ZEB2: variants seen among roughly 807,000 people sequenced by gnomAD.
ZEB2 encodes the protein zinc finger E-box-binding homeobox 2.
A neutral mutation model predicts 99.9 loss-of-function variants in ZEB2; 6 were observed. The ratio of observed to expected loss-of-function variants is 0.06; its 90% CI spans 0.03 to 0.12. The LOEUF is 0.12. Among genes scored for constraint, ZEB2 ranks in the 10% least tolerant of loss-of-function variants. The pLI, the probability that ZEB2 is intolerant of heterozygous loss-of-function variation, is 1.00. For synonymous variants in ZEB2, 517 were observed against 542.5 expected (o/e 0.95, Z 0.65); for missense variants, 969 against 1,502.8 (o/e 0.64, Z 5.87).
intron 2 of ZEB2, among the ~76,000 whole-genome samples, chr2:144,471,200 A>G (rs533534609): frequency 2.0e-5 from 3 of 152,322 alleles, no homozygotes; most frequent in African/African-American, 7.2e-5. Flanking sequence ...ATCAGCATGC[A>G]AAGAGTTAAC....
chr2:144,423,577 G>T (rs1047093362), intron 4 of ZEB2, among the ~76,000 whole-genome samples: 1 of 152,160 alleles, frequency 6.6e-6, no homozygotes, highest in Non-Finnish European at 1.5e-5. Flanking sequence ...TTACAATCTA[G>T]TCATTGTCAG....
At chr2:144,497,166 A>G (rs1380842390) in intron 2 of ZEB2, among the ~76,000 whole-genome samples, 1 of 151,856 alleles carries the variant, frequency 6.6e-6, no homozygotes, top group Non-Finnish European at 1.5e-5. Flanking sequence ...AGTCTCCTCA[A>G]AAGTCACCTC....
intron 2 of ZEB2, chr2:144,513,097 G>C: frequency 2.3e-6 from 3 of 1,286,680 alleles, no homozygotes; most frequent in Non-Finnish European, 3.0e-6. Flanking sequence ...AGGGAGGAGA[G>C]CTAGGAGGCA....
intron 4 of ZEB2, among the ~76,000 whole-genome samples, chr2:144,417,162 C>G (rs755875615): frequency 2.0e-5 from 3 of 152,050 alleles, no homozygotes; most frequent in Non-Finnish European, 4.4e-5. Flanking sequence ...CAATAAGTGA[C>G]CATTGAGTTG....
At chr2:144,501,074 TG>T (rs919173954) in intron 2 of ZEB2, among the ~76,000 whole-genome samples, 2 of 52,996 alleles carry the variant, frequency 3.8e-5, no homozygotes, top group Non-Finnish European at 7.4e-5. Context: ...AGAAATTGGA[TG>T]GGGGGGTAGC....
chr2:144,496,840 T>A (rs954916109), intron 2 of ZEB2: 2 of 152,216 alleles, frequency 1.3e-5, no homozygotes, highest in African/African-American at 4.8e-5. Flanking sequence ...ATATCTTTCG[T>A]ACAGTTGCCA....
intron 8 of ZEB2, 28 bp from the exon 9 acceptor site, chr2:144,396,620 A>G (rs1428000191): frequency 6.2e-7 from 1 of 1,608,322 alleles, no homozygotes; most frequent in Non-Finnish European, 8.5e-7. Flanking sequence ...AGTTCAATAC[A>G]GTGGCTTCTC....
chr2:144,424,184 A>C (rs1469194059), intron 4 of ZEB2, among the ~76,000 whole-genome samples: 1 of 152,164 alleles, frequency 6.6e-6, no homozygotes, highest in Non-Finnish European at 1.5e-5. Flanking sequence ...ACAAAACACC[A>C]CTCAGTATCT....
intron 2 of ZEB2, among the ~76,000 whole-genome samples, chr2:144,452,744 G>A (rs1454308987): frequency 6.6e-6 from 1 of 151,964 alleles, no homozygotes. Flanking sequence ...TCGCCATCTC[G>A]GTATTTAATC....
At chr2:144,440,175 C>G (rs898569514) in intron 2 of ZEB2, among the ~76,000 whole-genome samples, 1 of 152,128 alleles carries the variant, frequency 6.6e-6, no homozygotes, top group Non-Finnish European at 1.5e-5. Context: ...ATGAAATGCA[C>G]AAAGGTTCAG....
intron 2 of ZEB2, chr2:144,430,772 C>T (rs964283682): frequency 1.3e-5 from 2 of 153,846 alleles, no homozygotes; most frequent in African/African-American, 4.8e-5. Context: ...TTTTGCAGCC[C>T]TCAGTCCCAG....
At chr2:144,424,558 A>G (rs1703664798) in intron 4 of ZEB2, 2 of 636,898 alleles carry the variant, frequency 3.1e-6, no homozygotes, top group Non-Finnish European at 5.7e-6. Flanking sequence ...CCATTCATAG[A>G]GTTCAGTATT....
At chr2:144,510,904 T>G (rs939305664) in intron 2 of ZEB2, among the ~76,000 whole-genome samples, 1 of 152,188 alleles carries the variant, frequency 6.6e-6, no homozygotes, top group Non-Finnish European at 1.5e-5. Context: ...AGCATTGATG[T>G]GAGCGAAAGT....
At chr2:144,429,014 G>T (rs1461489389) in intron 3 of ZEB2, 1 of 152,168 alleles carries the variant, frequency 6.6e-6, no homozygotes, top group African/African-American at 2.4e-5. Flanking sequence ...AAGATTTCTT[G>T]TATTTTGTTA....
intron 8 of ZEB2, 87 bp from the exon 9 acceptor site, chr2:144,396,679 T>C (rs1703234142): frequency 2.1e-6 from 3 of 1,433,916 alleles, no homozygotes; most frequent in African/African-American, 2.8e-5. Context: ...TTGGAGAACC[T>C]CAAAATTGCT....
chr2:144,465,239 A>C (rs1292739405), intron 2 of ZEB2, among the ~76,000 whole-genome samples: 3 of 152,212 alleles, frequency 2.0e-5, no homozygotes, highest in Admixed American at 2.0e-4. Flanking sequence ...GTTCCTCAGT[A>C]AACTATGAGC....
chr2:144,517,171 GCGC>G (rs1018470315), intron 2 of ZEB2, 104 bp downstream of exon 2: 157 of 1,471,354 alleles, frequency 1.1e-4, no homozygotes, highest in Non-Finnish European at 1.2e-4. Context: ...AGAGCCCTGG[GCGC>G]CGCCGCCGCC....
intron 2 of ZEB2, among the ~76,000 whole-genome samples, chr2:144,499,814 A>G (rs1236224934): frequency 6.6e-6 from 1 of 152,172 alleles, no homozygotes; most frequent in Non-Finnish European, 1.5e-5. Context: ...TCAGGTGTAC[A>G]ATTTTGACCC....
At chr2:144,466,871 T>C (rs912045281) in intron 2 of ZEB2, among the ~76,000 whole-genome samples, 4 of 152,140 alleles carry the variant, frequency 2.6e-5, no homozygotes, top group African/African-American at 9.7e-5. Flanking sequence ...CTGTGACTGG[T>C]TGTGCTAGAA....
Sources: gnomAD v4.1 joint callset for allele counts (sites outside exome capture counted in the v4.1 genomes callset) on GRCh38, gnomAD v4.1.1 for gene constraint, MANE v1.5 for transcripts, NCBI Gene and HGNC (gene_info 2026-07-23, HGNC 2026-07-21) for gene names.